Variants in SLIT1 observed in about 807,000 individuals in gnomAD.
SLIT1 encodes slit homolog 1 protein.
In SLIT1, 66 loss-of-function variants were observed where a neutral mutation model predicts 186.1. The ratio of observed to expected loss-of-function variants is 0.35; its 90% confidence interval spans 0.29 to 0.44. The LOEUF is 0.44. Ranked by LOEUF, SLIT1 falls within the 20% of genes least tolerant of loss-of-function variation. SLIT1 has a pLI of 1.00. For synonymous variants in SLIT1, 761 were observed against 833.8 expected (o/e 0.91, Z 1.50); for missense variants, 1,638 against 2,037.4 (o/e 0.80, Z 3.77).
chr10:97,132,122 G>A (rs1849660420), intron 4 of SLIT1, among the ~76,000 whole-genome samples: 1 of 152,160 alleles, frequency 6.6e-6, no homozygotes, highest in East Asian at 1.9e-4. Context: ...TGGACCCCTG[G>A]GGTGTCCAAA....
chr10:97,053,537 AC>A (rs1848809710), intron 13 of SLIT1, among the ~76,000 whole-genome samples: 1 of 152,128 alleles, frequency 6.6e-6, no homozygotes, highest in South Asian at 2.1e-4. Flanking sequence ...CTATCCCAAT[AC>A]CCCATGTAGA....
intron 2 of SLIT1, among the ~76,000 whole-genome samples, chr10:97,164,167 G>T (rs140132468): frequency 6.6e-6 from 1 of 152,230 alleles, no homozygotes; most frequent in Non-Finnish European, 1.5e-5. Flanking sequence ...TGACTGTTGC[G>T]TGATAACTTT....
At chr10:97,063,644 A>G (rs1267474022) in intron 7 of SLIT1, 26 bp from the exon 8 acceptor site, 24 of 1,567,256 alleles carry the variant, frequency 1.5e-5, no homozygotes, top group Non-Finnish European at 2.1e-5. Flanking sequence ...ATGGCTCACA[A>G]CCCATCTGGA....
At position 97,037,684 on chromosome 10, in the gene SLIT1, G is replaced by A; in HGVS notation, c.2366+14C>T. 6.2e-7 allele frequency: 1 copy of A among 1,605,884 alleles called. No homozygotes were observed. Among genetic ancestry groups the A allele is most frequent in the Non-Finnish European group, 8.5e-7 (1 of 1,173,044 alleles). On this transcript the variant is annotated intron_variant, in intron 22 of 36. Coordinates refer to ENST00000266058, the MANE Select transcript of SLIT1 (RefSeq NM_003061.3). ...CCAAAGGCCCTCCTGTCCTCAAGCG[G>A]CCTGGATACTTACACGAGCTGCAGG...
Position 97,031,589 on chromosome 10 carries a change from T to A in SLIT1, c.2510+17A>T. ...TGGGGTGGATTTTCTGGCAGGATGG[T>A]GAGTGAGGAGACTTACAGCAGGCGC... On this transcript the variant is annotated intron_variant, in intron 24 of 36. Transcript: ENST00000266058. 6.5e-7 allele frequency: 1 copy of A among 1,546,698 alleles called. No individual in the cohort carries two copies. The highest frequency in any genetic ancestry group is 1.7e-4 in the Middle Eastern group (1 of 5,970).
chr10:97,021,475 A>G lies in SLIT1; in HGVS notation c.2583-62T>C, dbSNP rs1848501703. The G allele has an allele frequency of 6.6e-7, 1 of 1,513,488 alleles. No homozygotes were observed. The highest frequency in any genetic ancestry group is 1.4e-5 in the African/African-American group (1 of 72,582). The allele number at this position is 1,513,488 out of a possible 1,614,324, so 93.8% of individuals were successfully genotyped here. On this transcript the variant is annotated intron_variant, in intron 25 of 36. Transcript: ENST00000266058. The surrounding 1 kb of genome is among the most constrained non-coding windows in gnomAD (Gnocchi z 4.5). Reference sequence around the variant, plus strand: ...TCATGGGGTCCCTCGCCCACTGGGAACCTAGAGTCCCAGGCACTGCACCAG... The same window carrying G: ...TCATGGGGTCCCTCGCCCACTGGGAGCCTAGAGTCCCAGGCACTGCACCAG...
At position 97,013,850 on chromosome 10, in the gene SLIT1, G is replaced by A; in HGVS notation, c.3110-16C>T. On this transcript the variant is annotated splice_polypyrimidine_tract_variant and intron_variant, in intron 29 of 36. Transcript: ENST00000266058. ...CAGGCCTTTCCTGGGGAAAGAACGA[G>A]CAAGGGGCAGGAGAGAAGCTGCTCT... is the stretch of plus-strand genomic sequence containing the variant. 6.5e-7 allele frequency: 1 copy of A among 1,549,972 alleles called. No individual in the cohort carries two copies. Among genetic ancestry groups the A allele is most frequent in the East Asian group, 2.4e-5 (1 of 40,914 alleles).
Position 97,000,754 on chromosome 10 carries a change from TGTCA to T in SLIT1, c.*354_*357del, listed in dbSNP as rs1485098925. ...AAAGGGAAGGGTTGGTTTGGAAGGCTGTCATTTTTCTTCTCCAGATTCAGATAGC... is the reference window on the plus strand; with the variant it reads ...AAAGGGAAGGGTTGGTTTGGAAGGCTTTTTTCTTCTCCAGATTCAGATAGC... On this transcript the variant is annotated 3_prime_UTR_variant, in exon 37 of 37. Coordinates refer to ENST00000266058, the MANE Select transcript of SLIT1 (RefSeq NM_003061.3). 9 of 219,676 alleles carry T rather than the reference TGTCA, an allele frequency of 4.1e-5. No individual in the cohort carries two copies. The highest frequency in any genetic ancestry group is 7.2e-5 in the Non-Finnish European group (8 of 111,320). The allele number at this position is 219,676 out of a possible 1,614,324, so 13.6% of individuals were successfully genotyped here. A position where few individuals can be genotyped will look rare whatever the true frequency, so the allele number is the denominator to read the frequency against.
intron 4 of SLIT1, among the ~76,000 whole-genome samples, chr10:97,105,215 C>G (rs1200766186): frequency 6.6e-6 from 1 of 152,206 alleles, no homozygotes; most frequent in Admixed American, 6.5e-5. Context: ...AAAAATAAAT[C>G]TGATGACCAC....
chr10:97,071,340 C>T (rs954472933), intron 4 of SLIT1, among the ~76,000 whole-genome samples: 4 of 152,116 alleles, frequency 2.6e-5, no homozygotes, highest in African/African-American at 9.7e-5. Context: ...GTCAGGAAGG[C>T]GGGACCTCCA....
intron 8 of SLIT1, 56 bp from the exon 9 acceptor site, chr10:97,060,843 G>A: frequency 6.6e-7 from 1 of 1,503,788 alleles, no homozygotes. Context: ...CCTCCCTTGA[G>A]CCCAGATACC....
In SLIT1 at chr10:97,018,624, GC is replaced by G; in HGVS notation, c.2930del (p.Gly977AlafsTer28). The G allele has an allele frequency of 6.3e-7, 1 of 1,596,110 alleles. No homozygotes were observed. Among genetic ancestry groups the G allele is most frequent in the Non-Finnish European group, 8.5e-7 (1 of 1,171,598 alleles). On this transcript the variant is annotated frameshift_variant, in exon 28 of 37. Transcript: ENST00000266058. LOFTEE classifies it high-confidence loss of function. ...SCSSGPCENG[G>X]TCHAQEGEDA... ...CCTCGCCCTCCTGTGCATGGCAGGTGCCCCCATTTTCACAGGGGCCACTGGA... is the reference window on the plus strand; with the variant it reads ...CCTCGCCCTCCTGTGCATGGCAGGTGCCCCATTTTCACAGGGGCCACTGGA...
intron 4 of SLIT1, among the ~76,000 whole-genome samples, chr10:97,090,325 C>A (rs962971412): frequency 6.6e-6 from 1 of 152,118 alleles, no homozygotes; most frequent in Non-Finnish European, 1.5e-5. Flanking sequence ...AAGCAAGCAG[C>A]CAAGCAGAGT....
chr10:97,051,108 A>C (rs1848782510), intron 13 of SLIT1, among the ~76,000 whole-genome samples: 1 of 152,226 alleles, frequency 6.6e-6, no homozygotes, highest in African/African-American at 2.4e-5. Context: ...GAGAGGACTG[A>C]TTCTCAGTGT....
intron 1 of SLIT1, among the ~76,000 whole-genome samples, chr10:97,178,683 C>T (rs1413286346): frequency 6.6e-6 from 1 of 151,882 alleles, no homozygotes; most frequent in Non-Finnish European, 1.5e-5. Flanking sequence ...AAAACACCCA[C>T]CAAATATTTA....
At chr10:97,163,008 C>G (rs1169754154) in intron 3 of SLIT1, among the ~76,000 whole-genome samples, 1 of 152,194 alleles carries the variant, frequency 6.6e-6, no homozygotes, top group Non-Finnish European at 1.5e-5. Flanking sequence ...TGACAGGTTC[C>G]GTTGGCACGG....
chr10:97,131,676 G>T (rs1053774339), intron 4 of SLIT1, among the ~76,000 whole-genome samples: 3 of 152,192 alleles, frequency 2.0e-5, no homozygotes, highest in East Asian at 1.9e-4. Context: ...CTTCCTGAAG[G>T]TCTCTTGTTT....
intron 3 of SLIT1, among the ~76,000 whole-genome samples, chr10:97,162,156 CA>C (rs1164706737): frequency 2.0e-5 from 3 of 152,188 alleles, no homozygotes; most frequent in Admixed American, 6.5e-5. Flanking sequence ...GTATTCTATC[CA>C]CATGCAAATT....
At chr10:97,109,759 T>G (rs1849447804) in intron 4 of SLIT1, among the ~76,000 whole-genome samples, 1 of 152,178 alleles carries the variant, frequency 6.6e-6, no homozygotes, top group South Asian at 2.1e-4. Flanking sequence ...ATCAGTCATC[T>G]CATTTCCCTT....
Sources: allele counts gnomAD v4.1 joint callset (sites outside exome capture counted in the v4.1 genomes callset), GRCh38; gene constraint gnomAD v4.1.1; non-coding constraint Gnocchi (gnomAD v3.1); transcripts MANE v1.5; gene names NCBI Gene and HGNC (gene_info 2026-07-23, HGNC 2026-07-21).